The following NPTXR variants were observed in gnomAD, a reference collection of about 807,000 sequenced individuals.
NPTXR encodes neuronal pentraxin receptor.
In NPTXR, 12 loss-of-function variants were observed where a neutral mutation model predicts 32.2. The observed-to-expected ratio is 0.37, with a 90% CI of 0.24 to 0.60. The LOEUF is 0.60. Among genes scored for constraint, NPTXR ranks in the 20% least tolerant of loss-of-function variants. The pLI is 0.66. For missense variants in NPTXR, 612 were observed against 682.9 expected (o/e 0.90, Z 1.16); for synonymous variants, 323 against 315.8 (o/e 1.02, Z -0.24).
intron 1 of NPTXR, among the ~76,000 whole-genome samples, chr22:38,835,452 A>G (rs2093122560): frequency 6.6e-6 from 1 of 152,194 alleles, no homozygotes. Flanking sequence ...TCCTAGTACC[A>G]CTTTGGAGCT....
intron 2 of NPTXR, among the ~76,000 whole-genome samples, 185 bp from the exon 3 acceptor site, chr22:38,826,932 C>G (rs1162685724): frequency 6.6e-6 from 1 of 152,212 alleles, no homozygotes; most frequent in Non-Finnish European, 1.5e-5. Flanking sequence ...GGCTCTGGAC[C>G]TTAGATGTCC....
chr22:38,843,386 A>G lies in NPTXR; in HGVS notation c.473T>C (p.Leu158Pro). The change falls in exon 1 of 5, where the codon CTG becomes CCG. Residue 158 changes from leucine to proline, a missense_variant. Physicochemically the swap from Leu to Pro is moderately conservative, Grantham distance 98 (BLOSUM62 -3). Coordinates refer to ENST00000333039, the MANE Select transcript of NPTXR (RefSeq NM_014293.4). The surrounding 1 kb of genome is among the most constrained non-coding windows in gnomAD (Gnocchi z 5.3). ...CGGCAGGCCGCTCTCGCAGCGGCCC[A>G]GCTTGCCGGTGAGCTCACGGATGGT... 7.1e-7 allele frequency: 1 copy of G among 1,411,754 alleles called. No homozygotes were observed. The highest frequency in any genetic ancestry group is 1.5e-5 in the South Asian group (1 of 66,416). 87.5% of individuals were successfully genotyped at this position (1,411,754 alleles called of 1,614,324 possible).
chr22:38,843,373 C>T lies in NPTXR; in HGVS notation c.486G>A (p.Glu162=). 1.4e-6 allele frequency: 2 copies of T among 1,411,002 alleles called. No individual in the cohort carries two copies. The highest frequency in any genetic ancestry group is 3.0e-5 in the East Asian group (1 of 32,880). 87.4% of individuals were successfully genotyped at this position (1,411,002 alleles called of 1,614,324 possible). ...CCTGGAGGCCGCGCGGCAGGCCGCT[C>T]TCGCAGCGGCCCAGCTTGCCGGTGA... The change falls in exon 1 of 5, where the codon GAG becomes GAA. Residue 162 remains glutamate, a synonymous_variant. Coordinates refer to ENST00000333039, the MANE Select transcript of NPTXR (RefSeq NM_014293.4). This position sits in a 1 kb window ranked among gnomAD's most constrained non-coding sequence, Gnocchi z 5.3.
At chr22:38,841,861 G>T (rs1366898547) in intron 1 of NPTXR, among the ~76,000 whole-genome samples, 2 of 152,160 alleles carry the variant, frequency 1.3e-5, no homozygotes, top group African/African-American at 4.8e-5. Flanking sequence ...CCTGCTCTTG[G>T]TTCTCTCATC....
intron 1 of NPTXR, among the ~76,000 whole-genome samples, chr22:38,830,069 T>A (rs1366016313): frequency 6.6e-6 from 1 of 152,044 alleles, no homozygotes; most frequent in Non-Finnish European, 1.5e-5. Flanking sequence ...TGCATCAGAG[T>A]GCTGGGGGCA....
chr22:38,832,913 C>T (rs1371624730), intron 1 of NPTXR, among the ~76,000 whole-genome samples: 2 of 152,216 alleles, frequency 1.3e-5, no homozygotes, highest in Non-Finnish European at 2.9e-5. Context: ...GACTATGGCG[C>T]AGGGCAGCTT....
At chr22:38,832,084 G>C (rs557138370) in intron 1 of NPTXR, among the ~76,000 whole-genome samples, 33 of 152,302 alleles carry the variant, frequency 2.2e-4, no homozygotes, top group African/African-American at 7.9e-4. Flanking sequence ...AACAGACGCT[G>C]TTTGGAGGAG....
chr22:38,835,606 C>T (rs1449364677), intron 1 of NPTXR, among the ~76,000 whole-genome samples: 1 of 152,196 alleles, frequency 6.6e-6, no homozygotes, highest in African/African-American at 2.4e-5. Context: ...TCAAAAGTCC[C>T]TCCTGTCAGG....
chr22:38,826,600 C>A lies in NPTXR; in HGVS notation c.998G>T (p.Gly333Val). The A allele has an allele frequency of 6.2e-7, 1 of 1,614,250 alleles. No homozygotes were observed. Among genetic ancestry groups the A allele is most frequent in the Non-Finnish European group, 8.5e-7 (1 of 1,180,050 alleles). The change falls in exon 3 of 5, where the codon GGC becomes GTC. Residue 333 changes from glycine to valine, a missense_variant. Physicochemically the swap from Gly to Val is moderately radical, Grantham distance 109 (BLOSUM62 -3). Transcript: ENST00000333039. ...TGAGTAGGAGAAGGGGGTGCCCTGGCCGGTGCCGCTGGACCTGGACCGCAG... is the reference window on the plus strand; with the variant it reads ...TGAGTAGGAGAAGGGGGTGCCCTGGACGGTGCCGCTGGACCTGGACCGCAG...
Position 38,819,540 on chromosome 22 carries a change from G to T in NPTXR, c.*3069C>A, listed in dbSNP as rs540454420. ...CAGCCCCTGGACGTAACCCCCTTTG[G>T]TTTGAAATCTGGGCTCCATCACTTG... is the stretch of plus-strand genomic sequence containing the variant. On this transcript the variant is annotated 3_prime_UTR_variant, in exon 5 of 5. Transcript: ENST00000333039. 7.2e-5 allele frequency: 11 copies of T among 152,492 alleles called. No homozygotes were observed. The highest frequency in any genetic ancestry group is 2.4e-4 in the African/African-American group (10 of 41,578). The allele number at this position is 152,492 out of a possible 1,614,324, so 9.4% of individuals were successfully genotyped here.
rs1387757362 is a variant in NPTXR at position 38,843,539 on chromosome 22, GC to G, written c.319del (p.Ala107ProfsTer109). 3 of 1,248,910 alleles carry G rather than the reference GC, an allele frequency of 2.4e-6. No homozygotes were observed. The highest frequency in any genetic ancestry group is 3.0e-5 in the South Asian group (1 of 33,644). The allele number at this position is 1,248,910 out of a possible 1,614,324, so 77.4% of individuals were successfully genotyped here. A position where few individuals can be genotyped will look rare whatever the true frequency, so the allele number is the denominator to read the frequency against. ...AGCGCCCGCCGCGTCCCCCTGCTGG[GC>G]CCCCGACGGGCAGGCAGCAGCCAGC... On this transcript the variant is annotated frameshift_variant, in exon 1 of 5. Coordinates refer to ENST00000333039, the MANE Select transcript of NPTXR (RefSeq NM_014293.4). LOFTEE classifies it high-confidence loss of function. The surrounding 1 kb of genome is among the most constrained non-coding windows in gnomAD (Gnocchi z 5.3).
rs754268800 is a variant in NPTXR, at chr22:38,822,652, G to T, written c.1460C>A (p.Thr487Lys). 2.5e-6 allele frequency: 4 copies of T among 1,613,934 alleles called. No homozygotes were observed. The Admixed American group carries it at 6.7e-5, about 27-fold the overall frequency. ...CTTGCAGACATCGAAGGCAGCCTTT[G>T]TTGCACCCCCAAAGGCCTCCACCAA... The change falls in exon 5 of 5, where the codon ACA (threonine) becomes AAA (lysine). Residue 487 changes from threonine (T) to lysine (K), a missense_variant. Physicochemically the swap from Thr to Lys is moderately conservative, Grantham distance 78. Coordinates refer to ENST00000333039, the MANE Select transcript of NPTXR (RefSeq NM_014293.4).
chr22:38,826,044 C>T lies in NPTXR; in HGVS notation c.1098+456G>A, dbSNP rs571173242. ...ATTTTTAGTAGAGATGGGGTTTCACCATGTTAGCCAGGATGGTCTCAATCT... is the reference window on the plus strand; with the variant it reads ...ATTTTTAGTAGAGATGGGGTTTCACTATGTTAGCCAGGATGGTCTCAATCT... On this transcript the variant is annotated intron_variant, in intron 3 of 4. Transcript: ENST00000333039. 2.9e-3 allele frequency among the ~76,000 whole-genome samples: 439 copies of T among 152,178 alleles called. 1 individual carries two copies. The highest frequency in any genetic ancestry group is 0.01 in the African/African-American group (428 of 41,520).
At chr22:38,836,344 A>G (rs1339625925) in intron 1 of NPTXR, among the ~76,000 whole-genome samples, 3 of 152,238 alleles carry the variant, frequency 2.0e-5, no homozygotes, top group Non-Finnish European at 4.4e-5. Context: ...GTAAATCAGA[A>G]ACAACCCACA....
rs776929189 is a variant in NPTXR, at chr22:38,843,286, C to T, written c.573G>A (p.Leu191=). ...GGGCGCGCACGGCGTCCTCCAGCTC[C>T]AGAATGAGCGCAGGCGAGTCCCAGG... The change falls in exon 1 of 5, where the codon CTG becomes CTA. Residue 191 remains leucine, a synonymous_variant. Transcript: ENST00000333039. This position sits in a 1 kb window ranked among gnomAD's most constrained non-coding sequence, Gnocchi z 5.3. 4.0e-5 allele frequency: 57 copies of T among 1,438,710 alleles called. No homozygotes were observed. Among genetic ancestry groups the T allele is most frequent in the Non-Finnish European group, 4.5e-6 (5 of 1,102,758 alleles). The allele number at this position is 1,438,710 out of a possible 1,614,324, so 89.1% of individuals were successfully genotyped here. A position where few individuals can be genotyped will look rare whatever the true frequency, so the allele number is the denominator to read the frequency against.
intron 1 of NPTXR, among the ~76,000 whole-genome samples, chr22:38,837,403 C>T (rs2093125547): frequency 6.6e-6 from 1 of 152,278 alleles, no homozygotes; most frequent in Admixed American, 6.5e-5. Context: ...CTCCCAAGCC[C>T]TCCTCACTGC....
chr22:38,840,886 G>T (rs188873694), intron 1 of NPTXR, among the ~76,000 whole-genome samples: 1 of 152,160 alleles, frequency 6.6e-6, no homozygotes, highest in African/African-American at 2.4e-5. Context: ...TGTGAGAGGC[G>T]GCTGGAAGCC....
At chr22:38,823,763 C>T (rs2093101989) in intron 3 of NPTXR, among the ~76,000 whole-genome samples, 1 of 152,182 alleles carries the variant, frequency 6.6e-6, no homozygotes, top group African/African-American at 2.4e-5. Context: ...TGAGGTCAGA[C>T]AAGGGATGAC....
intron 1 of NPTXR, among the ~76,000 whole-genome samples, chr22:38,832,212 TC>T (rs944027270): frequency 8.5e-5 from 13 of 152,138 alleles, no homozygotes; most frequent in African/African-American, 3.1e-4. Flanking sequence ...TGTGAGTCCC[TC>T]CCCGTCCCAG....
Sources: allele counts gnomAD v4.1 joint callset (sites outside exome capture counted in the v4.1 genomes callset), GRCh38; gene constraint gnomAD v4.1.1; non-coding constraint Gnocchi (gnomAD v3.1); transcripts MANE v1.5; gene names NCBI Gene and HGNC (gene_info 2026-07-23, HGNC 2026-07-21).